Variants in PCCA observed in about 807,000 individuals in gnomAD.
PCCA encodes the protein propionyl-CoA carboxylase subunit alpha.
A neutral mutation model predicts 101.3 loss-of-function variants in PCCA; 74 were observed. That is an observed-to-expected ratio of 0.73 (90% CI 0.61 to 0.89). The LOEUF is 0.89. PCCA is among the 40% of genes least tolerant of loss of function. PCCA has a pLI of 0.00. For missense variants in PCCA, 891 were observed against 907.0 expected (o/e 0.98, Z 0.23); for synonymous variants, 294 against 313.6 (o/e 0.94, Z 0.66).
intron 19 of PCCA, among the ~76,000 whole-genome samples, chr13:100,408,110 C>G (rs112369280): frequency 6.6e-6 from 1 of 152,164 alleles, no homozygotes; most frequent in Non-Finnish European, 1.5e-5. Flanking sequence ...TAAGATTGCA[C>G]GACTGCACTC....
intron 6 of PCCA, among the ~76,000 whole-genome samples, chr13:100,180,093 C>A (rs1299527539): frequency 6.6e-6 from 1 of 152,110 alleles, no homozygotes; most frequent in Non-Finnish European, 1.5e-5. Flanking sequence ...CATTGGGGAG[C>A]TGCTGGAGGA....
At chr13:100,161,825 G>T (rs1566610320) in intron 6 of PCCA, among the ~76,000 whole-genome samples, 1 of 152,018 alleles carries the variant, frequency 6.6e-6, no homozygotes, top group African/African-American at 2.4e-5. Flanking sequence ...TGTTACTGTA[G>T]TGTATTTTGT....
intron 18 of PCCA, among the ~76,000 whole-genome samples, chr13:100,341,957 G>GTGTATATATATATATA (rs371378776): frequency 9.3e-6 from 1 of 107,172 alleles, no homozygotes; most frequent in African/African-American, 4.3e-5. Flanking sequence ...ACCCTTCAAA[G>GTGTATATATATATATA]TATATATATA....
intron 19 of PCCA, among the ~76,000 whole-genome samples, chr13:100,386,155 T>C (rs1380925026): frequency 3.3e-5 from 5 of 152,244 alleles, no homozygotes; most frequent in Non-Finnish European, 5.9e-5. Context: ...CCAGAGTTCA[T>C]AGTAATTTCA....
At chr13:100,148,130 G>T (rs1297674216) in intron 4 of PCCA, among the ~76,000 whole-genome samples, 1 of 152,014 alleles carries the variant, frequency 6.6e-6, no homozygotes, top group Non-Finnish European at 1.5e-5. Flanking sequence ...GTCTCACTCT[G>T]TTAGCCAGGA....
intron 4 of PCCA, among the ~76,000 whole-genome samples, chr13:100,127,993 C>T (rs1056908455): frequency 6.6e-6 from 1 of 152,230 alleles, no homozygotes; most frequent in Non-Finnish European, 1.5e-5. Context: ...CAGCCTCCCT[C>T]ATTCAGACTC....
At chr13:100,144,629 A>G (rs1274349737) in intron 4 of PCCA, among the ~76,000 whole-genome samples, 4 of 152,232 alleles carry the variant, frequency 2.6e-5, no homozygotes, top group Non-Finnish European at 5.9e-5. Context: ...TACATACACT[A>G]TATATTTCCT....
intron 6 of PCCA, among the ~76,000 whole-genome samples, chr13:100,171,705 T>C (rs188793992): frequency 1.2e-4 from 18 of 152,002 alleles, no homozygotes; most frequent in Non-Finnish European, 2.2e-4. Flanking sequence ...CCTGGGCACA[T>C]AGGAAAACCC....
Position 100,422,470 on chromosome 13 carries a change from A to C in PCCA, c.1747-3163A>C, listed in dbSNP as rs531916024. On this transcript the variant is annotated intron_variant, in intron 19 of 23. Coordinates refer to ENST00000376285, the MANE Select transcript of PCCA (RefSeq NM_000282.4). ...TTTCTCTAGCCTTAAAGTTCTATAA[A>C]CATAATCAATCCACAAATTCCAGGT... Among the ~76,000 whole-genome samples the C allele has an allele frequency of 3.3e-5, 5 of 152,220 alleles. 1 individual carries two copies. Among genetic ancestry groups the C allele is most frequent in the African/African-American group, 1.2e-4 (5 of 41,544 alleles).
At chr13:100,135,873 A>C (rs562953802) in intron 4 of PCCA, among the ~76,000 whole-genome samples, 1 of 152,282 alleles carries the variant, frequency 6.6e-6, no homozygotes, top group South Asian at 2.1e-4. Flanking sequence ...ATGTTGTCTT[A>C]CACTTTTCCT....
intron 12 of PCCA, among the ~76,000 whole-genome samples, chr13:100,297,342 AG>A (rs1284714827): frequency 6.6e-6 from 1 of 152,226 alleles, no homozygotes; most frequent in Non-Finnish European, 1.5e-5. Flanking sequence ...GTATTTAGTG[AG>A]GAATAGGCTG....
chr13:100,228,805 C>T (rs887603781), intron 7 of PCCA, among the ~76,000 whole-genome samples: 9 of 149,336 alleles, frequency 6.0e-5, no homozygotes, highest in Non-Finnish European at 1.3e-4. Context: ...GAGGCTGAGG[C>T]AGGAGAATCG....
In PCCA at chr13:100,368,584, C is replaced by A; in HGVS notation, c.1746+10C>A. ...TGGGTCAGTGTTCTCGGTGAGTTTTCTTTCTTTATTTTCTTGGTAATCTTG... is the reference window on the plus strand; with the variant it reads ...TGGGTCAGTGTTCTCGGTGAGTTTTATTTCTTTATTTTCTTGGTAATCTTG... On this transcript the variant is annotated intron_variant, in intron 19 of 23. Coordinates refer to ENST00000376285, the MANE Select transcript of PCCA (RefSeq NM_000282.4). 1 of 1,511,608 alleles carries A rather than the reference C, an allele frequency of 6.6e-7. No homozygotes were observed. The highest frequency in any genetic ancestry group is 9.2e-7 in the Non-Finnish European group (1 of 1,087,668). The allele number at this position is 1,511,608 out of a possible 1,614,324, so 93.6% of individuals were successfully genotyped here. A position where few individuals can be genotyped will look rare whatever the true frequency, so the allele number is the denominator to read the frequency against.
chr13:100,248,737 G>C (rs2061589732), intron 8 of PCCA, among the ~76,000 whole-genome samples: 1 of 151,986 alleles, frequency 6.6e-6, no homozygotes, highest in Non-Finnish European at 1.5e-5. Context: ...TCCCAGTCTA[G>C]AACTTATGTC....
intron 6 of PCCA, among the ~76,000 whole-genome samples, chr13:100,163,923 T>A (rs1363171052): frequency 1.3e-5 from 2 of 152,202 alleles, no homozygotes; most frequent in African/African-American, 4.8e-5. Context: ...ATATCCATCC[T>A]AACATTTCAT....
intron 6 of PCCA, among the ~76,000 whole-genome samples, chr13:100,180,443 C>T (rs935267135): frequency 2.0e-5 from 3 of 152,070 alleles, no homozygotes; most frequent in African/African-American, 7.2e-5. Flanking sequence ...TACCAAGATC[C>T]AAGATTCCTC....
chr13:100,526,417 C>G (rs1297135643), intron 22 of PCCA, among the ~76,000 whole-genome samples: 1 of 152,232 alleles, frequency 6.6e-6, no homozygotes, highest in African/African-American at 2.4e-5. Flanking sequence ...ATTTCTATGC[C>G]AGGAAGAAGC....
In PCCA at chr13:100,449,232, ATC is replaced by A. The variant is rs1566334223; in HGVS notation, c.1846-16_1846-15del. 3 of 1,505,916 alleles carry A rather than the reference ATC, an allele frequency of 2.0e-6. No homozygotes were observed. Among genetic ancestry groups the A allele is most frequent in the Non-Finnish European group, 2.7e-6 (3 of 1,106,214 alleles). 93.3% of individuals were successfully genotyped at this position (1,505,916 alleles called of 1,614,324 possible). ...CTGTGCAGATATGAGTTCATTTTATATCTCTTGTTTGTTTTTTAGTGTCTTTC... is the reference window on the plus strand; with the variant it reads ...CTGTGCAGATATGAGTTCATTTTATATCTTGTTTGTTTTTTAGTGTCTTTC... On this transcript the variant is annotated intron_variant, in intron 20 of 23. Transcript: ENST00000376285.
intron 18 of PCCA, among the ~76,000 whole-genome samples, chr13:100,342,727 T>A (rs2071569233): frequency 6.7e-6 from 1 of 150,348 alleles, no homozygotes; most frequent in Non-Finnish European, 1.5e-5. Context: ...TTTTTTTTCT[T>A]TTCTTTTTAG....
Sources: allele counts gnomAD v4.1 joint callset (sites outside exome capture counted in the v4.1 genomes callset), GRCh38; gene constraint gnomAD v4.1.1; transcripts MANE v1.5; gene names NCBI Gene and HGNC (gene_info 2026-07-23, HGNC 2026-07-21).